The following DSCAM variants were observed in gnomAD, a reference collection of about 807,000 sequenced individuals.
The protein encoded by DSCAM is DS cell adhesion molecule, also known as cell adhesion molecule DSCAM.
In DSCAM, 47 loss-of-function variants were observed where a neutral mutation model predicts 217.7. That is an observed-to-expected ratio of 0.22 (90% CI 0.17 to 0.28). The LOEUF is 0.28. Ranked by LOEUF, DSCAM falls within the 10% of genes least tolerant of loss-of-function variation. The pLI is 1.00. For synonymous variants in DSCAM, 1,056 were observed against 1,015.3 expected, an observed-to-expected ratio of 1.04 and a Z score of -0.76; for missense variants, 2,080 against 2,618.3, an observed-to-expected ratio of 0.79 and a Z score of 4.49.
In DSCAM at chr21:40,055,774, T is replaced by C. The variant is rs776145643; in HGVS notation, c.4986A>G (p.Ile1662Met). ...QQQTLRMHID[I>M]PRAQLLIEER... Reference sequence around the variant, plus strand: ...CTTCAATCAAAAGCTGAGCCCTGGGTATGTCGATGTGCATTCGCAGGGTCT... The same window carrying C: ...CTTCAATCAAAAGCTGAGCCCTGGGCATGTCGATGTGCATTCGCAGGGTCT... The change falls in exon 29 of 33, where the codon ATA becomes ATG. Residue 1662 changes from isoleucine to methionine, a missense_variant. Ile to Met is a conservative substitution (Grantham distance 10). Transcript: ENST00000400454. The C allele has an allele frequency of 5.0e-6, 8 of 1,613,902 alleles. No individual in the cohort carries two copies. The highest frequency in any genetic ancestry group is 6.8e-6 in the Non-Finnish European group (8 of 1,179,814).
chr21:40,341,811 T>C (rs901610956), intron 6 of DSCAM, among the ~76,000 whole-genome samples: 4 of 152,374 alleles, frequency 2.6e-5, no homozygotes, highest in East Asian at 1.9e-4. Context: ...ATTCTGTCCA[T>C]TGACCGCTAA....
chr21:40,213,300 A>G (rs976688867), intron 11 of DSCAM, among the ~76,000 whole-genome samples: 1 of 152,224 alleles, frequency 6.6e-6, no homozygotes, highest in African/African-American at 2.4e-5. Context: ...AGACCTGGTT[A>G]AAGAGTGCAC....
At chr21:40,444,464 G>T (rs1371223527) in intron 3 of DSCAM, among the ~76,000 whole-genome samples, 1 of 152,200 alleles carries the variant, frequency 6.6e-6, no homozygotes, top group Non-Finnish European at 1.5e-5. Flanking sequence ...GTACCTGGAG[G>T]CAAGTCCAAC....
intron 3 of DSCAM, among the ~76,000 whole-genome samples, chr21:40,595,517 C>T (rs2077015007): frequency 6.7e-6 from 1 of 148,362 alleles, no homozygotes; most frequent in East Asian, 2.0e-4. Flanking sequence ...CGAAGGTGTG[C>T]AAAAGACTCC....
chr21:40,586,654 G>A (rs1276518343), intron 3 of DSCAM, among the ~76,000 whole-genome samples: 1 of 152,176 alleles, frequency 6.6e-6, no homozygotes, highest in African/African-American at 2.4e-5. Context: ...CAGCCTTAAG[G>A]TGCAAGATAT....
At chr21:40,723,515 A>T (rs2090924344) in intron 1 of DSCAM, among the ~76,000 whole-genome samples, 1 of 152,192 alleles carries the variant, frequency 6.6e-6, no homozygotes, top group Admixed American at 6.5e-5. Context: ...CTCCATTGCA[A>T]TCTAGAAGAG....
At chr21:40,269,436 G>A (rs995259197) in intron 11 of DSCAM, among the ~76,000 whole-genome samples, 4 of 152,146 alleles carry the variant, frequency 2.6e-5, no homozygotes, top group Non-Finnish European at 4.4e-5. Flanking sequence ...TGATGGATTC[G>A]GACTCTTCTG....
chr21:40,125,881 C>T (rs552809924), intron 19 of DSCAM, among the ~76,000 whole-genome samples: 2 of 152,288 alleles, frequency 1.3e-5, no homozygotes, highest in African/African-American at 2.4e-5. Context: ...GACACCCCAG[C>T]TTAGCCAACA....
chr21:40,276,357 A>G (rs1197271716), intron 10 of DSCAM, 87 bp from the exon 11 acceptor site: 2 of 1,275,062 alleles, frequency 1.6e-6, no homozygotes, highest in African/African-American at 3.0e-5. Context: ...AGACTCATAA[A>G]GAGATGCTTC....
At chr21:40,524,147 C>CTCT (rs879611278) in intron 3 of DSCAM, among the ~76,000 whole-genome samples, 6,118 of 152,158 alleles carry the variant, frequency 0.04, 260 homozygotes, top group East Asian at 0.21. Context: ...TTTTAAACAA[C>CTCT]CAGATCTCAT....
At chr21:40,696,565 G>A (rs937340574) in intron 2 of DSCAM, among the ~76,000 whole-genome samples, 2 of 152,156 alleles carry the variant, frequency 1.3e-5, no homozygotes, top group South Asian at 4.1e-4. Flanking sequence ...TGGTTCCAGT[G>A]CCCAAGCAAT....
intron 3 of DSCAM, among the ~76,000 whole-genome samples, chr21:40,613,639 C>T (rs568408502): frequency 1.8e-4 from 27 of 151,996 alleles, no homozygotes; most frequent in African/African-American, 2.9e-4. Context: ...CCTAGCATGC[C>T]GCACTGCTGA....
chr21:40,801,016 A>T (rs2091735917), intron 1 of DSCAM, among the ~76,000 whole-genome samples: 1 of 145,342 alleles, frequency 6.9e-6, no homozygotes, highest in Non-Finnish European at 1.5e-5. Flanking sequence ...CAGTGGCTTG[A>T]TCTTGGCTCA....
At chr21:40,608,766 G>C (rs973125092) in intron 3 of DSCAM, among the ~76,000 whole-genome samples, 6 of 152,106 alleles carry the variant, frequency 3.9e-5, no homozygotes, top group African/African-American at 1.4e-4. Context: ...CACATATTTA[G>C]AAAGTTAACT....
intron 3 of DSCAM, among the ~76,000 whole-genome samples, chr21:40,575,898 AT>A (rs1158334838): frequency 6.6e-6 from 1 of 152,218 alleles, no homozygotes; most frequent in Admixed American, 6.5e-5. Context: ...TAACAGCATC[AT>A]TAGTAATTAG....
chr21:40,623,933 C>A (rs1455734792), intron 3 of DSCAM, among the ~76,000 whole-genome samples: 1 of 152,128 alleles, frequency 6.6e-6, no homozygotes, highest in African/African-American at 2.4e-5. Flanking sequence ...AAGGGAGGGG[C>A]CCCTTTCAGA....
chr21:40,270,009 A>G (rs970126406), intron 11 of DSCAM, among the ~76,000 whole-genome samples: 11 of 152,238 alleles, frequency 7.2e-5, no homozygotes, highest in African/African-American at 2.7e-4. Context: ...ATCAAATTGC[A>G]TCTGCTATAT....
In DSCAM at chr21:40,530,924, T is replaced by C. The variant is rs796136063; in HGVS notation, c.509-161679A>G. ...ATCCATCCATCCATCCATTCAACCA[T>C]CCATCCATCCATCCATCCATCCATC... On this transcript the variant is annotated intron_variant, in intron 3 of 32. Transcript: ENST00000400454. Among the ~76,000 whole-genome samples the C allele has an allele frequency of 2.2e-5, 2 of 91,744 alleles. 1 individual carries two copies. Among genetic ancestry groups the C allele is most frequent in the Admixed American group, 2.4e-4 (2 of 8,416 alleles). The allele number at this position is 91,744 out of a possible 152,430, so 60.2% of individuals were successfully genotyped here.
chr21:40,745,735 G>T (rs2091167769), intron 1 of DSCAM, among the ~76,000 whole-genome samples: 1 of 152,108 alleles, frequency 6.6e-6, no homozygotes, highest in Non-Finnish European at 1.5e-5. Flanking sequence ...ACTGGTAAAA[G>T]TAAGAATACA....
Sources: allele counts gnomAD v4.1 joint callset (sites outside exome capture counted in the v4.1 genomes callset), GRCh38; gene constraint gnomAD v4.1.1; transcripts MANE v1.5; gene names NCBI Gene and HGNC (gene_info 2026-07-23, HGNC 2026-07-21).